PDE3B: variants seen among roughly 807,000 people sequenced by gnomAD.
The protein encoded by PDE3B is cGMP-inhibited 3',5'-cyclic phosphodiesterase 3B.
Under a neutral mutation model 116.8 loss-of-function variants are expected in PDE3B, and 66 were observed. The observed-to-expected ratio is 0.56, with a 90% CI of 0.46 to 0.69. PDE3B has a LOEUF of 0.69. PDE3B is among the 30% of genes least tolerant of loss of function. PDE3B has a pLI of 0.00. For missense variants in PDE3B, 1,384 were observed against 1,368.1 expected (o/e 1.01, Z -0.18); for synonymous variants, 595 against 533.6 (o/e 1.12, Z -1.59).
At chr11:14,703,207 G>C (rs1233655973) in intron 1 of PDE3B, among the ~76,000 whole-genome samples, 2 of 151,800 alleles carry the variant, frequency 1.3e-5, no homozygotes, top group Non-Finnish European at 2.9e-5. Flanking sequence ...GCCTTTGGAG[G>C]ATTCCATGGA....
At chr11:14,863,483 G>A (rs1648714255) in intron 14 of PDE3B, among the ~76,000 whole-genome samples, 1 of 151,940 alleles carries the variant, frequency 6.6e-6, no homozygotes, top group Non-Finnish European at 1.5e-5. Flanking sequence ...CTACATAAAT[G>A]TCCCACGATG....
chr11:14,715,358 C>A (rs551694755), intron 1 of PDE3B, among the ~76,000 whole-genome samples: 3 of 152,200 alleles, frequency 2.0e-5, no homozygotes, highest in African/African-American at 7.2e-5. Flanking sequence ...GGCAGTATGG[C>A]CATTTTCACG....
intron 5 of PDE3B, among the ~76,000 whole-genome samples, chr11:14,810,620 A>G (rs929055492): frequency 5.3e-5 from 8 of 150,710 alleles, no homozygotes; most frequent in Middle Eastern, 3.4e-3. Context: ...TAATGCCGCA[A>G]TAAACATACG....
chr11:14,646,229 A>ATTC (rs1853402080), intron 1 of PDE3B, among the ~76,000 whole-genome samples: 1 of 152,210 alleles, frequency 6.6e-6, no homozygotes. Context: ...CATTTGATGC[A>ATTC]TTCTTCTCTC....
At chr11:14,897,185 T>G in the PDE3B span, among the ~76,000 whole-genome samples, 3 of 152,252 alleles carry the variant, frequency 2.0e-5, no homozygotes, top group African/African-American at 7.2e-5. Flanking sequence ...GCAGAGGAAG[T>G]GTATATGTAT....
intron 1 of PDE3B, among the ~76,000 whole-genome samples, chr11:14,716,450 C>G (rs1855897803): frequency 6.6e-6 from 1 of 151,456 alleles, no homozygotes; most frequent in Non-Finnish European, 1.5e-5. Flanking sequence ...CCTCTGTAGG[C>G]TCCACCTCTG....
intron 1 of PDE3B, among the ~76,000 whole-genome samples, chr11:14,722,526 A>G (rs991574558): frequency 3.9e-5 from 6 of 152,240 alleles, no homozygotes; most frequent in African/African-American, 1.4e-4. Flanking sequence ...GTTGAGTAGT[A>G]TAGTGGACGG....
Position 14,871,094 on chromosome 11 carries a change from T to A in PDE3B, c.*1434T>A, listed in dbSNP as rs782218447. The A allele has an allele frequency of 1.1e-4, 16 of 152,182 alleles. No individual in the cohort carries two copies. The highest frequency in any genetic ancestry group is 1.9e-4 in the Non-Finnish European group (13 of 68,010). The allele number at this position is 152,182 out of a possible 1,614,324, so 9.4% of individuals were successfully genotyped here. A position where few individuals can be genotyped will look rare whatever the true frequency, so the allele number is the denominator to read the frequency against. On this transcript the variant is annotated 3_prime_UTR_variant, in exon 16 of 16. Transcript: ENST00000282096. ...TTTGCACACAGTGAAACCATTAATT[T>A]TCCAAGGTAATTCCTTTAGAATATG... is the stretch of plus-strand genomic sequence containing the variant.
intron 12 of PDE3B, among the ~76,000 whole-genome samples, chr11:14,855,745 A>G (rs1208221708): frequency 6.6e-6 from 1 of 152,200 alleles, no homozygotes; most frequent in Non-Finnish European, 1.5e-5. Flanking sequence ...GAGCTAGGAA[A>G]TAAGTAAAAT....
At chr11:14,784,798 A>G (rs1737998043) in intron 2 of PDE3B, among the ~76,000 whole-genome samples, 1 of 152,098 alleles carries the variant, frequency 6.6e-6, no homozygotes, top group African/African-American at 2.4e-5. Context: ...GTCATTGGAG[A>G]TATTTATGAG....
chr11:14,707,684 T>TA (rs1855573605), intron 1 of PDE3B, among the ~76,000 whole-genome samples: 1 of 151,950 alleles, frequency 6.6e-6, no homozygotes, highest in Admixed American at 6.6e-5. Flanking sequence ...GAGGAGGTAA[T>TA]ATGGGCATAC....
chr11:14,844,626 C>A (rs1389894302), intron 12 of PDE3B, among the ~76,000 whole-genome samples: 1 of 152,228 alleles, frequency 6.6e-6, no homozygotes, highest in Non-Finnish European at 1.5e-5. Context: ...TCAGGTCACT[C>A]CCACCCCAGT....
chr11:14,711,310 CCAACTTGTCTGAAG>C, intron 1 of PDE3B, among the ~76,000 whole-genome samples: 1 of 152,152 alleles, frequency 6.6e-6, no homozygotes, highest in East Asian at 1.9e-4. Context: ...TGAGCAGGGC[CCAACTTGTCTGAAG>C]CTTAAGAGGT....
intron 1 of PDE3B, among the ~76,000 whole-genome samples, chr11:14,668,461 A>T (rs1015492582): frequency 2.0e-5 from 3 of 152,142 alleles, no homozygotes; most frequent in Non-Finnish European, 4.4e-5. Flanking sequence ...AAGGAAAGAC[A>T]TTACTATATT....
the PDE3B span, among the ~76,000 whole-genome samples, chr11:14,892,409 G>A: frequency 2.6e-5 from 4 of 152,192 alleles, no homozygotes; most frequent in African/African-American, 9.6e-5. Context: ...GGAGCGGGTG[G>A]CCGGTGCTAC....
At chr11:14,746,491 A>C (rs1160795485) in intron 1 of PDE3B, among the ~76,000 whole-genome samples, 1 of 152,222 alleles carries the variant, frequency 6.6e-6, no homozygotes, top group Non-Finnish European at 1.5e-5. Flanking sequence ...GATGCTGTAA[A>C]GGCTTCACCC....
the PDE3B span, chr11:14,886,870 A>G: frequency 1.3e-5 from 2 of 152,418 alleles, no homozygotes; most frequent in South Asian, 2.1e-4. Flanking sequence ...GCAGAAAGTT[A>G]TATCAGCAAA....
rs150140865 is a variant in PDE3B, at chr11:14,644,509, C to G, written c.434C>G (p.Pro145Arg). ...ACCCGGACCAAGCGGGGACCCGGCC[C>G]GGGCCGGAGCTGCGGCTCCTGGTGG... Reference protein sequence around the residue: ...FLTRTKRGPGPGRSCGSWWLL... With the variant: ...FLTRTKRGPGRGRSCGSWWLL... Residue 145 changes from proline to arginine, a missense_variant, in exon 1 of 16, where the codon CCG becomes CGG. By Grantham distance (103) the Pro-to-Arg change is moderately radical. This residue lies in a region of PDE3B where 956 missense variants were observed against 806.8 expected (regional missense o/e 1.18). Transcript: ENST00000282096. 5.6e-6 allele frequency: 9 copies of G among 1,610,000 alleles called. 1 individual carries two copies. The South Asian group carries it at 8.8e-5, about 16-fold the overall frequency.
At chr11:14,842,272 C>T (rs563497345) in intron 11 of PDE3B, among the ~76,000 whole-genome samples, 2 of 152,254 alleles carry the variant, frequency 1.3e-5, no homozygotes, top group South Asian at 4.1e-4. Context: ...AGTTATGTTT[C>T]ATTGCCCTTG....
Sources: allele counts gnomAD v4.1 joint callset (sites outside exome capture counted in the v4.1 genomes callset), GRCh38; gene constraint gnomAD v4.1.1; regional missense constraint gnomAD v4.1.1; transcripts MANE v1.5; gene names NCBI Gene and HGNC (gene_info 2026-07-23, HGNC 2026-07-21).